Variants in CSMD1 observed in about 807,000 individuals in gnomAD.
The protein encoded by CSMD1 is CUB and sushi domain-containing protein 1.
A neutral mutation model predicts 417.5 loss-of-function variants in CSMD1; 213 were observed. That is an observed-to-expected ratio of 0.51 (90% confidence interval 0.46 to 0.57). The LOEUF (loss-of-function observed/expected upper bound fraction) is 0.57. Among genes scored for constraint, CSMD1 ranks in the 20% least tolerant of loss-of-function variants. CSMD1 has a pLI of 0.00. For missense variants in CSMD1, 6,923 were observed against 4,529.7 expected (o/e 1.53, Z -15.17); for synonymous variants, 2,862 against 1,736.8 (o/e 1.65, Z -16.11).
At chr8:4,418,447 T>C (rs1348291188) in intron 3 of CSMD1, among the ~76,000 whole-genome samples, 1 of 152,138 alleles carries the variant, frequency 6.6e-6, no homozygotes, top group Non-Finnish European at 1.5e-5. Context: ...TCAACAGCGA[T>C]GGAGTTTTCA....
At chr8:4,450,370 G>A (rs1354979415) in intron 2 of CSMD1, among the ~76,000 whole-genome samples, 1 of 152,140 alleles carries the variant, frequency 6.6e-6, no homozygotes, top group East Asian at 1.9e-4. Flanking sequence ...GCTCACACCT[G>A]TAATCCCAGC....
At chr8:4,707,608 C>G (rs1418571130) in intron 1 of CSMD1, among the ~76,000 whole-genome samples, 1 of 151,934 alleles carries the variant, frequency 6.6e-6, no homozygotes, top group Non-Finnish European at 1.5e-5. Context: ...GGGAAAGAGC[C>G]AGCCATGATG....
At chr8:4,298,690 C>A (rs1047483643) in intron 3 of CSMD1, among the ~76,000 whole-genome samples, 2 of 152,072 alleles carry the variant, frequency 1.3e-5, no homozygotes, top group Non-Finnish European at 2.9e-5. Context: ...TTTACATCTT[C>A]AGGCTACTCT....
intron 2 of CSMD1, among the ~76,000 whole-genome samples, chr8:4,528,698 T>C (rs1285822714): frequency 6.6e-6 from 1 of 152,176 alleles, no homozygotes; most frequent in Non-Finnish European, 1.5e-5. Flanking sequence ...AATGTATATA[T>C]TAATTATGTA....
At chr8:3,395,797 G>A (rs1811655325) in intron 17 of CSMD1, among the ~76,000 whole-genome samples, 1 of 151,972 alleles carries the variant, frequency 6.6e-6, no homozygotes, top group South Asian at 2.1e-4. Flanking sequence ...ACCTAACCCT[G>A]TTTTTCTAGC....
At chr8:3,581,507 C>T (rs1402062498) in intron 9 of CSMD1, among the ~76,000 whole-genome samples, 1 of 152,216 alleles carries the variant, frequency 6.6e-6, no homozygotes, top group East Asian at 1.9e-4. Context: ...ACTTCTGACT[C>T]ACTGCAATTT....
Position 3,756,559 on chromosome 8 carries a change from C to A in CSMD1, c.819-2517G>T, listed in dbSNP as rs111377139. ...ATCCTAATGTAAAATATATACATAG[C>A]TAATAGTATCCAAAGCCCTCAAAAT... is the stretch of plus-strand genomic sequence containing the variant. On this transcript the variant is annotated intron_variant, in intron 5 of 69. Coordinates refer to ENST00000635120, the MANE Select transcript of CSMD1 (RefSeq NM_033225.6). Among the ~76,000 whole-genome samples the A allele has an allele frequency of 9.9e-4, 151 of 152,190 alleles. 1 individual carries two copies. Among genetic ancestry groups the A allele is most frequent in the African/African-American group, 3.1e-3 (130 of 41,524 alleles).
At chr8:4,628,123 G>GTA (rs34664052) in intron 2 of CSMD1, among the ~76,000 whole-genome samples, 65,496 of 147,890 alleles carry the variant, frequency 0.44, 15,181 homozygotes, top group East Asian at 0.68. Context: ...CTGTGTGTGT[G>GTA]TATATATATA....
chr8:4,389,548 T>A (rs1803704808), intron 3 of CSMD1, among the ~76,000 whole-genome samples: 1 of 152,136 alleles, frequency 6.6e-6, no homozygotes, highest in Non-Finnish European at 1.5e-5. Flanking sequence ...GACACTAAAA[T>A]GTTAATTTAT....
At chr8:4,860,132 A>C (rs963727481) in intron 1 of CSMD1, among the ~76,000 whole-genome samples, 23 of 151,666 alleles carry the variant, frequency 1.5e-4, no homozygotes, top group Non-Finnish European at 2.6e-4. Context: ...GAAATTGGAA[A>C]TCATCATTCT....
chr8:3,235,916 G>GTTGT lies in CSMD1; in HGVS notation c.4154-5686_4154-5685insACAA, dbSNP rs772433526. Among the ~76,000 whole-genome samples the GTTGT allele has an allele frequency of 9.4e-4, 112 of 119,344 alleles. 1 individual carries two copies. The highest frequency in any genetic ancestry group is 3.5e-3 in the African/African-American group (110 of 31,714). 78.3% of individuals were successfully genotyped at this position (119,344 alleles called of 152,430 possible). On this transcript the variant is annotated intron_variant, in intron 26 of 69. Coordinates refer to ENST00000635120, the MANE Select transcript of CSMD1 (RefSeq NM_033225.6). ...TTATGCCAGTTATATGAAGATGTAA[G>GTTGT]TTTTTTTTTTTTTTTTTTTGAGACA...
At chr8:3,648,931 T>G (rs1262126342) in intron 7 of CSMD1, among the ~76,000 whole-genome samples, 1 of 152,200 alleles carries the variant, frequency 6.6e-6, no homozygotes, top group Non-Finnish European at 1.5e-5. Flanking sequence ...CAGCTATTTT[T>G]TTTTCTTTAA....
chr8:3,445,762 T>G (rs543206064), intron 12 of CSMD1, among the ~76,000 whole-genome samples: 12 of 152,098 alleles, frequency 7.9e-5, no homozygotes, highest in Admixed American at 7.2e-4. Context: ...AACAAAGCCA[T>G]GTAAACAGTA....
chr8:4,457,616 G>C (rs1415118413), intron 2 of CSMD1, among the ~76,000 whole-genome samples: 2 of 151,750 alleles, frequency 1.3e-5, no homozygotes, highest in Admixed American at 6.6e-5. Flanking sequence ...AATCATAATG[G>C]AGCCAATCAT....
At chr8:3,670,605 C>CAT (rs1310318740) in intron 7 of CSMD1, among the ~76,000 whole-genome samples, 18,850 of 127,404 alleles carry the variant, frequency 0.15, 1,957 homozygotes, top group South Asian at 0.2. Context: ...ATATATTGCA[C>CAT]ATATATATGG....
intron 43 of CSMD1, 111 bp from the exon 44 acceptor site, chr8:3,108,859 C>A (rs1816321799): frequency 2.9e-6 from 3 of 1,049,202 alleles, no homozygotes; most frequent in African/African-American, 3.2e-5. Context: ...AAAACATATG[C>A]ATTCTCAGGA....
At chr8:4,883,926 T>C (rs1258472459) in intron 1 of CSMD1, among the ~76,000 whole-genome samples, 1 of 152,006 alleles carries the variant, frequency 6.6e-6, no homozygotes, top group Non-Finnish European at 1.5e-5. Context: ...TCCAAAGAGA[T>C]TGCAATATTT....
At chr8:4,560,253 T>A (rs1798270568) in intron 2 of CSMD1, among the ~76,000 whole-genome samples, 1 of 152,222 alleles carries the variant, frequency 6.6e-6, no homozygotes, top group South Asian at 2.1e-4. Context: ...CCAAAGTAAT[T>A]TCACAAAGCC....
intron 25 of CSMD1, among the ~76,000 whole-genome samples, chr8:3,291,404 G>A (rs1803549128): frequency 6.6e-6 from 1 of 152,052 alleles, no homozygotes. Flanking sequence ...AGGATTGGTA[G>A]CAGCTCCTTT....
Sources: gnomAD v4.1 joint callset for allele counts (sites outside exome capture counted in the v4.1 genomes callset) on GRCh38, gnomAD v4.1.1 for gene constraint, MANE v1.5 for transcripts, NCBI Gene and HGNC (gene_info 2026-07-23, HGNC 2026-07-21) for gene names.